Variants in HPD observed in about 807,000 individuals in gnomAD.
HPD encodes 4-hydroxyphenylpyruvate dioxygenase, also known as 4-hydroxyphenylpyruvic acid oxidase.
A neutral mutation model predicts 56.9 loss-of-function variants in HPD; 35 were observed. The observed-to-expected ratio is 0.62, with a 90% CI of 0.47 to 0.82. The LOEUF (loss-of-function observed/expected upper bound fraction) is 0.82. HPD is among the 40% of genes least tolerant of loss of function. HPD has a pLI of 0.00. For synonymous variants in HPD, 186 were observed against 200.2 expected, an observed-to-expected ratio of 0.93 and a Z score of 0.60; for missense variants, 442 against 506.8, an observed-to-expected ratio of 0.87 and a Z score of 1.23.
chr12:121,864,443 C>T (rs1472824559), upstream of HPD, among the ~76,000 whole-genome samples: 1 of 151,422 alleles, frequency 6.6e-6, no homozygotes, highest in Non-Finnish European at 1.5e-5. Flanking sequence ...GTCCCAGCTA[C>T]TCAGGAGGCT....
At position 121,840,525 on chromosome 12, in the gene HPD, C is replaced by T. The variant is rs1386216534; in HGVS notation, c.955-477G>A. ...ATATTGGTCAGGCTGGTCTCGAACT[C>T]CTGACCTCAGGTGATCCACCCACCT... On this transcript the variant is annotated intron_variant, in intron 12 of 13. Coordinates refer to ENST00000289004, the MANE Select transcript of HPD (RefSeq NM_002150.3). Among the ~76,000 whole-genome samples the T allele has an allele frequency of 2.0e-5, 3 of 152,018 alleles. No individual in the cohort carries two copies. In the East Asian group the frequency reaches 5.8e-4, roughly 30 times the overall value.
Position 121,848,882 on chromosome 12 carries a change from G to A in HPD, c.596+117C>T, listed in dbSNP as rs564186914. On this transcript the variant is annotated intron_variant, in intron 9 of 13. Coordinates refer to ENST00000289004, the MANE Select transcript of HPD (RefSeq NM_002150.3). ...CGGCTTCCCAGAATGCTGGGATTACGGGTGTGAGCCACTGCACCCAGTCGT... is the reference window on the plus strand; with the variant it reads ...CGGCTTCCCAGAATGCTGGGATTACAGGTGTGAGCCACTGCACCCAGTCGT... The A allele has an allele frequency of 7.0e-5, 59 of 837,102 alleles. 2 individuals carry two copies. The highest frequency in any genetic ancestry group is 6.4e-4 in the South Asian group (48 of 75,224). The allele number at this position is 837,102 out of a possible 1,614,324, so 51.9% of individuals were successfully genotyped here.
At chr12:121,881,070 C>T in the HPD span, among the ~76,000 whole-genome samples, 10 of 152,304 alleles carry the variant, frequency 6.6e-5, no homozygotes, top group East Asian at 1.9e-4. Context: ...GGATTACAGG[C>T]GTGAGCCAAC....
chr12:121,841,445 C>T (rs564570982), intron 12 of HPD, among the ~76,000 whole-genome samples: 45 of 152,286 alleles, frequency 3.0e-4, no homozygotes, highest in African/African-American at 1.0e-3. Context: ...GCATTGAAAA[C>T]ACGTCCACAC....
the HPD span, among the ~76,000 whole-genome samples, chr12:121,870,871 C>T: frequency 6.6e-6 from 1 of 151,922 alleles, no homozygotes; most frequent in Non-Finnish European, 1.5e-5. Context: ...GCTGGGATTA[C>T]AGTCATGAGC....
chr12:121,858,636 G>A (rs372487301), intron 2 of HPD, 51 bp downstream of exon 2: 10 of 1,577,078 alleles, frequency 6.3e-6, no homozygotes, highest in South Asian at 3.3e-5. Context: ...CCTGCACTCC[G>A]ACCCCCTTCT....
At position 121,843,624 on chromosome 12, in the gene HPD, C is replaced by A. The variant is rs1386976557; in HGVS notation, c.954+86G>T. The A allele has an allele frequency of 2.0e-6, 3 of 1,533,658 alleles. No homozygotes were observed. The East Asian group carries it at 7.0e-5, about 36-fold the overall frequency. Reference sequence around the variant, plus strand: ...CAGCAGGGACTTGGTCTGGGCTCCCCTCCGGGCTGAGACAATATTTCTGAA... The same window carrying A: ...CAGCAGGGACTTGGTCTGGGCTCCCATCCGGGCTGAGACAATATTTCTGAA... On this transcript the variant is annotated intron_variant, in intron 12 of 13. Transcript: ENST00000289004.
chr12:121,850,692 CTT>C (rs1206546215), intron 7 of HPD, among the ~76,000 whole-genome samples: 57 of 91,650 alleles, frequency 6.2e-4, no homozygotes, highest in South Asian at 2.5e-3. Flanking sequence ...TGTACCTAGC[CTT>C]TTTTTTTTTT....
At chr12:121,874,765 C>CT in the HPD span, among the ~76,000 whole-genome samples, 591 of 146,316 alleles carry the variant, frequency 4.0e-3, 2 homozygotes, top group African/African-American at 0.011. Context: ...TTGTCACTTT[C>CT]TTTTTTTTTT....
chr12:121,872,111 G>A, the HPD span, among the ~76,000 whole-genome samples: 9 of 150,234 alleles, frequency 6.0e-5, no homozygotes, highest in South Asian at 2.1e-4. Flanking sequence ...GTGGTGGTGG[G>A]CACCTGTAAT....
At chr12:121,865,366 T>G (rs1448362583), upstream of HPD, among the ~76,000 whole-genome samples, 37 of 151,200 alleles carry the variant, frequency 2.4e-4, no homozygotes, top group African/African-American at 8.5e-4. Context: ...GCCTCCCGGG[T>G]TCAACCAATT....
chr12:121,849,729 C>T lies in HPD; in HGVS notation c.476G>A (p.Gly159Glu), dbSNP rs752018560. The change falls in exon 8 of 14, where the codon GGA (glycine) becomes GAA (glutamate). Residue 159 changes from glycine to glutamate, a missense_variant. By Grantham distance (98) the Gly-to-Glu change is moderately conservative. Transcript: ENST00000289004. ...KMNYIGQFLPGYEAPAFMDPL... is the reference protein window; with the variant it reads ...KMNYIGQFLPEYEAPAFMDPL... ...GTCCATGAACGCTGGGGCCTCATAT[C>T]CAGGCAAGAATTGGCCGATGTAGTT... 12 of 1,613,828 alleles carry T rather than the reference C, an allele frequency of 7.4e-6. No homozygotes were observed. The Admixed American group carries it at 1.8e-4, about 25-fold the overall frequency.
the HPD span, among the ~76,000 whole-genome samples, chr12:121,878,431 C>G: frequency 1.3e-5 from 2 of 152,172 alleles, no homozygotes; most frequent in Non-Finnish European, 2.9e-5. Context: ...TCACTGCAAC[C>G]TCTACCTCCT....
intron 7 of HPD, among the ~76,000 whole-genome samples, chr12:121,851,698 TA>T (rs1171663605): frequency 0.016 from 37 of 2,370 alleles, 2 homozygotes; most frequent in East Asian, 0.13. Context: ...TTTATTTATT[TA>T]TTTTTTTTTT....
chr12:121,852,534 G>A (rs1351145838), intron 7 of HPD, among the ~76,000 whole-genome samples: 1 of 151,422 alleles, frequency 6.6e-6, no homozygotes, highest in East Asian at 1.9e-4. Flanking sequence ...CAGTAACACG[G>A]GTCCTAAACA....
chr12:121,848,320 T>A (rs1877652662), intron 9 of HPD, among the ~76,000 whole-genome samples: 1 of 152,074 alleles, frequency 6.6e-6, no homozygotes, highest in South Asian at 2.1e-4. Flanking sequence ...ATTATTATTA[T>A]TATTATTTTG....
At chr12:121,844,212 G>T (rs1877499935) in intron 11 of HPD, among the ~76,000 whole-genome samples, 1 of 151,916 alleles carries the variant, frequency 6.6e-6, no homozygotes, top group Admixed American at 6.6e-5. Context: ...ATCACACTCA[G>T]CTATGTATTT....
At chr12:121,860,965 C>T (rs760325797), upstream of HPD, among the ~76,000 whole-genome samples, 3 of 151,882 alleles carry the variant, frequency 2.0e-5, no homozygotes, top group Non-Finnish European at 2.9e-5. Flanking sequence ...TTTGGGAGGC[C>T]GAGGAGGGAG....
chr12:121,883,675 CTTCT>C, the HPD span, among the ~76,000 whole-genome samples: 3 of 136,004 alleles, frequency 2.2e-5, no homozygotes, highest in Non-Finnish European at 4.7e-5. Context: ...TTTCCTTTTC[CTTCT>C]TTCTTTTTTT....
Sources: gnomAD v4.1 joint callset for allele counts (sites outside exome capture counted in the v4.1 genomes callset) on GRCh38, gnomAD v4.1.1 for gene constraint, MANE v1.5 for transcripts, NCBI Gene and HGNC (gene_info 2026-07-23, HGNC 2026-07-21) for gene names.